The following GLDN variants were observed in gnomAD, a reference collection of about 807,000 sequenced individuals.
GLDN encodes collomin.
A neutral mutation model predicts 56.5 loss-of-function variants in GLDN; 47 were observed. The ratio of observed to expected loss-of-function variants is 0.83; its 90% CI spans 0.66 to 1.06. The LOEUF is 1.06. GLDN is among the 50% of genes least tolerant of loss of function. GLDN has a pLI of 0.00. For missense variants in GLDN, 782 were observed against 714.3 expected (o/e 1.09, Z -1.08); for synonymous variants, 332 against 278.8 (o/e 1.19, Z -1.90).
downstream of GLDN, among the ~76,000 whole-genome samples, chr15:51,411,399 C>T (rs1289218710): frequency 6.6e-6 from 1 of 152,206 alleles, no homozygotes; most frequent in East Asian, 1.9e-4. Context: ...GGGGCTCTGA[C>T]ATATGGGATA....
intron 4 of GLDN, among the ~76,000 whole-genome samples, chr15:51,389,335 G>C (rs923911196): frequency 1.3e-5 from 2 of 152,220 alleles, no homozygotes; most frequent in African/African-American, 4.8e-5. Context: ...ATGAATGCAT[G>C]CATGAATGAA....
At chr15:51,399,899 G>A (rs2038211636) in intron 6 of GLDN, among the ~76,000 whole-genome samples, 2 of 152,212 alleles carry the variant, frequency 1.3e-5, no homozygotes, top group South Asian at 4.1e-4. Context: ...GCCTTGAACA[G>A]GCTGGCTCAG....
rs1015660468 is a variant in GLDN at position 51,377,441 on chromosome 15, C to T, written c.364-8C>T. ...CTGTCTGCTCTGATGACCCTCTCTC[C>T]CCTGCAGATCCGAGTGATGGTGGAC... On this transcript the variant is annotated splice_region_variant and splice_polypyrimidine_tract_variant and intron_variant, in intron 1 of 9. Coordinates refer to ENST00000335449, the MANE Select transcript of GLDN (RefSeq NM_181789.4). 6.2e-7 allele frequency: 1 copy of T among 1,613,044 alleles called. No individual in the cohort carries two copies. The highest frequency in any genetic ancestry group is 1.1e-5 in the South Asian group (1 of 91,032).
At chr15:51,345,388 G>A (rs138825970) in intron 1 of GLDN, among the ~76,000 whole-genome samples, 57 of 152,200 alleles carry the variant, frequency 3.7e-4, no homozygotes, top group African/African-American at 1.3e-3. Flanking sequence ...GCATTTCTAC[G>A]CCCAGGATAT....
chr15:51,404,491 A>C lies in GLDN; in HGVS notation c.1393A>C (p.Thr465Pro). ...ATTCTCAGTGGTGCAACACGTCAATACCACGTACCCTAAATCCAAGGCTGG... is the reference window on the plus strand; with the variant it reads ...ATTCTCAGTGGTGCAACACGTCAATCCCACGTACCCTAAATCCAAGGCTGG... ...RTFSVVQHVN[T>P]TYPKSKAGNA... The change falls in exon 10 of 10, where the codon ACC (threonine) becomes CCC (proline). Residue 465 changes from threonine (T) to proline (P), a missense_variant. Coordinates refer to ENST00000335449, the MANE Select transcript of GLDN (RefSeq NM_181789.4). The C allele has an allele frequency of 6.2e-7, 1 of 1,614,196 alleles. No individual in the cohort carries two copies. Among genetic ancestry groups the C allele is most frequent in the Non-Finnish European group, 8.5e-7 (1 of 1,180,036 alleles).
chr15:51,404,668 A>G lies in GLDN; in HGVS notation c.1570A>G (p.Met524Val). The G allele has an allele frequency of 1.2e-6, 2 of 1,613,458 alleles. No homozygotes were observed. Among genetic ancestry groups the G allele is most frequent in the African/African-American group, 1.3e-5 (1 of 75,038 alleles). ...QSVLAMLAYN[M>V]RDQHLYSWED... ...TGTTCTTGCCATGTTAGCATACAAC[A>G]TGAGAGATCAGCATTTATATTCATG... The change falls in exon 10 of 10, where the codon ATG becomes GTG. Residue 524 changes from methionine (M) to valine (V), a missense_variant. Transcript: ENST00000335449.
intron 1 of GLDN, among the ~76,000 whole-genome samples, chr15:51,365,376 A>G (rs1265444725): frequency 2.6e-5 from 4 of 152,282 alleles, no homozygotes; most frequent in Non-Finnish European, 5.9e-5. Flanking sequence ...TGTGTATAAT[A>G]CACGTTTCCA....
intron 1 of GLDN, among the ~76,000 whole-genome samples, chr15:51,357,216 T>C (rs561356968): frequency 6.6e-6 from 1 of 152,286 alleles, no homozygotes; most frequent in Admixed American, 6.5e-5. Flanking sequence ...TAATAAATCT[T>C]GCCACTGCAC....
chr15:51,352,404 G>A (rs570004822), intron 1 of GLDN, among the ~76,000 whole-genome samples: 1 of 152,036 alleles, frequency 6.6e-6, no homozygotes, highest in East Asian at 1.9e-4. Flanking sequence ...TAGGAATTTG[G>A]GGGTACACAA....
chr15:51,358,668 G>A (rs567864591), intron 1 of GLDN, among the ~76,000 whole-genome samples: 8 of 152,286 alleles, frequency 5.3e-5, no homozygotes, highest in African/African-American at 1.9e-4. Flanking sequence ...ATGACTAGGG[G>A]TGTGGGCACT....
chr15:51,342,824 G>T (rs967732934), intron 1 of GLDN, among the ~76,000 whole-genome samples: 4 of 152,194 alleles, frequency 2.6e-5, no homozygotes, highest in African/African-American at 7.2e-5. Flanking sequence ...CCATGTGGAT[G>T]AGGGTCTGCA....
intron 1 of GLDN, among the ~76,000 whole-genome samples, chr15:51,370,264 A>C (rs990580228): frequency 2.0e-5 from 3 of 152,082 alleles, no homozygotes; most frequent in African/African-American, 4.8e-5. Flanking sequence ...GTTTCTCACC[A>C]CCTCTTACCC....
Position 51,401,630 on chromosome 15 carries a change from T to A in GLDN, c.1065T>A (p.Leu355=), listed in dbSNP as rs762222745. ...MVKEFKDQPS[L]LNGSYTFIHL... ...AGGAATTCAAGGATCAGCCCTCACT[T>A]CTGAATGGCAGTTACACGTTCATCC... The change falls in exon 9 of 10, where the codon CTT becomes CTA. Residue 355 remains leucine, a synonymous_variant. Transcript: ENST00000335449. 1.9e-6 allele frequency: 3 copies of A among 1,614,142 alleles called. No homozygotes were observed. The Admixed American group carries it at 5.0e-5, about 27-fold the overall frequency.
chr15:51,365,590 A>T (rs539815887), intron 1 of GLDN, among the ~76,000 whole-genome samples: 1 of 152,312 alleles, frequency 6.6e-6, no homozygotes, highest in Admixed American at 6.5e-5. Context: ...GAGGTTGAAC[A>T]TCCTGTGCAA....
At chr15:51,351,181 C>A in intron 1 of GLDN, 1 of 292,224 alleles carries the variant, frequency 3.4e-6, no homozygotes, top group South Asian at 3.9e-5. Flanking sequence ...CTAGCCTTCT[C>A]TTAGATCTGT....
At chr15:51,351,930 T>C (rs1338843033) in intron 1 of GLDN, among the ~76,000 whole-genome samples, 1 of 152,198 alleles carries the variant, frequency 6.6e-6, no homozygotes, top group Non-Finnish European at 1.5e-5. Flanking sequence ...ATTAGGTTGT[T>C]CGGATGTTTA....
intron 1 of GLDN, among the ~76,000 whole-genome samples, chr15:51,370,387 T>A (rs1366971317): frequency 6.6e-6 from 1 of 152,210 alleles, no homozygotes; most frequent in African/African-American, 2.4e-5. Flanking sequence ...CAGCTCCATT[T>A]TTATTTGCTT....
chr15:51,361,120 C>T (rs996671570), intron 1 of GLDN, among the ~76,000 whole-genome samples: 1 of 152,164 alleles, frequency 6.6e-6, no homozygotes, highest in African/African-American at 2.4e-5. Flanking sequence ...AAGATGATTC[C>T]AGCAGTACTC....
In GLDN at chr15:51,400,345, G is replaced by A. The variant is rs369681680; in HGVS notation, c.902-28G>A. 6.2e-6 allele frequency: 10 copies of A among 1,614,118 alleles called. No individual in the cohort carries two copies. In the African/African-American group the frequency reaches 8.0e-5, roughly 13 times the overall value. ...CCTTCAAGTCATAATTGGCAGGCAA[G>A]TGACTTTCTTTTCTCTTCTTTTGGC... On this transcript the variant is annotated intron_variant, in intron 7 of 9. Coordinates refer to ENST00000335449, the MANE Select transcript of GLDN (RefSeq NM_181789.4).
Sources: gnomAD v4.1 joint callset for allele counts (sites outside exome capture counted in the v4.1 genomes callset) on GRCh38, gnomAD v4.1.1 for gene constraint, MANE v1.5 for transcripts, NCBI Gene and HGNC (gene_info 2026-07-23, HGNC 2026-07-21) for gene names.